Variants in AGBL4 observed in about 807,000 individuals in gnomAD.
The protein encoded by AGBL4 is AGBL carboxypeptidase 4, also known as cytosolic carboxypeptidase 6.
In AGBL4, 58 loss-of-function variants were observed where a neutral mutation model predicts 66.4. The observed-to-expected ratio is 0.87, with a 90% confidence interval of 0.71 to 1.09. The LOEUF is 1.09. Among genes scored for constraint, AGBL4 ranks in the 50% least tolerant of loss-of-function variants. AGBL4 has a pLI of 0.00. For missense variants in AGBL4, 579 were observed against 631.0 expected, an observed-to-expected ratio of 0.92 and a Z score of 0.88; for synonymous variants, 234 against 222.9, an observed-to-expected ratio of 1.05 and a Z score of -0.44.
chr1:48,933,210 G>C (rs72682925), intron 5 of AGBL4, among the ~76,000 whole-genome samples: 2,938 of 152,148 alleles, frequency 0.019, 52 homozygotes, highest in Non-Finnish European at 0.032. Context: ...ATGTGTATGT[G>C]TATTTGTTTG....
At chr1:49,030,112 A>G (rs561849196) in intron 5 of AGBL4, among the ~76,000 whole-genome samples, 1 of 152,254 alleles carries the variant, frequency 6.6e-6, no homozygotes, top group East Asian at 1.9e-4. Flanking sequence ...TGCTTTTTAG[A>G]TACATGCTAT....
At chr1:48,794,309 C>T (rs1402210929) in intron 6 of AGBL4, among the ~76,000 whole-genome samples, 1 of 152,142 alleles carries the variant, frequency 6.6e-6, no homozygotes. Flanking sequence ...TTGGCAGGCT[C>T]CTTCCTATAT....
chr1:49,934,845 G>A (rs192291431), intron 1 of AGBL4, among the ~76,000 whole-genome samples: 23 of 151,164 alleles, frequency 1.5e-4, no homozygotes, highest in African/African-American at 5.1e-4. Flanking sequence ...AAAAATAGGA[G>A]AGGGCAGCCA....
intron 5 of AGBL4, among the ~76,000 whole-genome samples, chr1:48,986,909 A>C (rs1418315519): frequency 1.3e-5 from 2 of 152,110 alleles, no homozygotes; most frequent in Non-Finnish European, 2.9e-5. Flanking sequence ...TGTCAGTTGA[A>C]TATAGATTAT....
chr1:49,963,295 G>A (rs1047397788), intron 1 of AGBL4, among the ~76,000 whole-genome samples: 1 of 152,080 alleles, frequency 6.6e-6, no homozygotes, highest in Non-Finnish European at 1.5e-5. Flanking sequence ...TAAGGATGCA[G>A]TCATGTAATA....
intron 1 of AGBL4, among the ~76,000 whole-genome samples, chr1:49,937,546 A>T (rs1295249248): frequency 2.0e-5 from 3 of 152,288 alleles, no homozygotes; most frequent in African/African-American, 7.2e-5. Flanking sequence ...CATTTTTTTC[A>T]GCACCACACC....
intron 6 of AGBL4, among the ~76,000 whole-genome samples, chr1:48,763,158 T>G (rs1553228153): frequency 6.6e-6 from 1 of 152,098 alleles, no homozygotes; most frequent in Non-Finnish European, 1.5e-5. Context: ...AGGGTAAGGA[T>G]GATAAATGAA....
intron 7 of AGBL4, among the ~76,000 whole-genome samples, chr1:48,658,159 A>T (rs1202796034): frequency 6.6e-6 from 1 of 152,226 alleles, no homozygotes; most frequent in Non-Finnish European, 1.5e-5. Flanking sequence ...TGAGTGCCTC[A>T]CAAGAACCTA....
chr1:49,398,232 G>T (rs954699239), intron 3 of AGBL4, among the ~76,000 whole-genome samples: 4 of 151,964 alleles, frequency 2.6e-5, no homozygotes, highest in African/African-American at 9.7e-5. Flanking sequence ...AAGATGTTCT[G>T]CCCTCAGCAA....
intron 2 of AGBL4, among the ~76,000 whole-genome samples, chr1:49,814,816 C>A (rs1246852101): frequency 6.6e-6 from 1 of 152,030 alleles, no homozygotes; most frequent in East Asian, 1.9e-4. Context: ...AATCACAGAT[C>A]AAAATTCTGC....
chr1:49,997,165 G>A (rs1660430593), intron 1 of AGBL4, among the ~76,000 whole-genome samples: 1 of 151,874 alleles, frequency 6.6e-6, no homozygotes, highest in Non-Finnish European at 1.5e-5. Flanking sequence ...GAGGTATTCG[G>A]GCAACAGACA....
rs561313385 is a variant in AGBL4, at chr1:49,100,260, A to G, written c.378-54460T>C. On this transcript the variant is annotated intron_variant, in intron 4 of 13. Coordinates refer to ENST00000371839, the MANE Select transcript of AGBL4 (RefSeq NM_032785.4). Reference sequence around the variant, plus strand: ...AGAATGGCTTTTCAGAGCTGTCCTAAGTTGGGCCGAGATAACCAGGCCTTT... The same window carrying G: ...AGAATGGCTTTTCAGAGCTGTCCTAGGTTGGGCCGAGATAACCAGGCCTTT... Among the ~76,000 whole-genome samples, 23 of 152,292 alleles carry G rather than the reference A, an allele frequency of 1.5e-4. No homozygotes were observed. In the South Asian group the frequency reaches 2.3e-3, roughly 15 times the overall value.
At chr1:49,237,290 A>C (rs1650835976) in intron 4 of AGBL4, among the ~76,000 whole-genome samples, 1 of 150,810 alleles carries the variant, frequency 6.6e-6, no homozygotes, top group Non-Finnish European at 1.5e-5. Context: ...AAACCCCCCA[A>C]AAAATGGGAG....
Position 48,691,172 on chromosome 1 carries a change from A to AC in AGBL4, c.635-27932_635-27931insG, listed in dbSNP as rs1374820314. On this transcript the variant is annotated intron_variant, in intron 6 of 13. Transcript: ENST00000371839. ...GACTCCCTCTCAAAAAAAAAAAAAA[A>AC]AAACACATATATGTGTGTATATATA... 1.9e-4 allele frequency among the ~76,000 whole-genome samples: 28 copies of AC among 149,890 alleles called. 1 individual carries two copies. The highest frequency in any genetic ancestry group is 1.0e-4 in the Non-Finnish European group (7 of 67,674).
At chr1:49,005,818 T>A (rs1406669671) in intron 5 of AGBL4, among the ~76,000 whole-genome samples, 1 of 151,926 alleles carries the variant, frequency 6.6e-6, no homozygotes, top group Non-Finnish European at 1.5e-5. Context: ...CTGACCAACA[T>A]GGTGAAACCC....
intron 2 of AGBL4, among the ~76,000 whole-genome samples, chr1:49,779,044 T>C (rs1557438065): frequency 6.6e-6 from 1 of 152,140 alleles, no homozygotes; most frequent in African/African-American, 2.4e-5. Context: ...ATAGCAATTA[T>C]TGGTGGCTAA....
At chr1:48,678,179 G>A (rs1407194243) in intron 6 of AGBL4, among the ~76,000 whole-genome samples, 1 of 152,112 alleles carries the variant, frequency 6.6e-6, no homozygotes, top group Non-Finnish European at 1.5e-5. Context: ...ACCACGGTGG[G>A]GTAACTGCAC....
chr1:49,036,515 G>T (rs1377622421), intron 5 of AGBL4, among the ~76,000 whole-genome samples: 1 of 152,062 alleles, frequency 6.6e-6, no homozygotes, highest in Non-Finnish European at 1.5e-5. Context: ...TTAGTTTGGA[G>T]AAGAGAAGAC....
At chr1:49,001,563 C>T (rs1661396609) in intron 5 of AGBL4, among the ~76,000 whole-genome samples, 1 of 152,146 alleles carries the variant, frequency 6.6e-6, no homozygotes, top group South Asian at 2.1e-4. Flanking sequence ...CACCAGCCCT[C>T]CTTGACTCCA....
Sources: gnomAD v4.1 joint callset for allele counts (sites outside exome capture counted in the v4.1 genomes callset) on GRCh38, gnomAD v4.1.1 for gene constraint, MANE v1.5 for transcripts, NCBI Gene and HGNC (gene_info 2026-07-23, HGNC 2026-07-21) for gene names.